The following F13A1 variants were observed in gnomAD, a reference collection of about 807,000 sequenced individuals.
F13A1 encodes coagulation factor XIII A chain.
Under a neutral mutation model 80.1 loss-of-function variants are expected in F13A1, and 47 were observed. The observed-to-expected ratio is 0.59, with a 90% CI of 0.46 to 0.75. The LOEUF (loss-of-function observed/expected upper bound fraction) is 0.75. F13A1 is among the 30% of genes least tolerant of loss of function. F13A1 has a pLI of 0.00. For missense variants in F13A1, 817 were observed against 930.4 expected, an observed-to-expected ratio of 0.88 and a Z score of 1.59; for synonymous variants, 349 against 344.9, an observed-to-expected ratio of 1.01 and a Z score of -0.13.
intron 3 of F13A1, among the ~76,000 whole-genome samples, chr6:6,281,159 C>G (rs1233406245): frequency 6.6e-6 from 1 of 152,188 alleles, no homozygotes; most frequent in Non-Finnish European, 1.5e-5. Flanking sequence ...ATGTTAATGT[C>G]TAAGAAGAGT....
intron 7 of F13A1, 74 bp from the exon 8 acceptor site, chr6:6,222,245 G>T: frequency 1.3e-6 from 2 of 1,587,924 alleles, no homozygotes; most frequent in East Asian, 2.3e-5. Context: ...AACCCTTCTT[G>T]TAGGGGACTT....
intron 6 of F13A1, among the ~76,000 whole-genome samples, chr6:6,225,457 T>G (rs1757263129): frequency 6.6e-6 from 1 of 152,148 alleles, no homozygotes; most frequent in African/African-American, 2.4e-5. Context: ...TCCCATGGGA[T>G]GCTTACAGAG....
At chr6:6,283,025 G>A (rs1583109803) in intron 3 of F13A1, among the ~76,000 whole-genome samples, 1 of 152,152 alleles carries the variant, frequency 6.6e-6, no homozygotes, top group African/African-American at 2.4e-5. Context: ...CACCTTAATC[G>A]AGTGGTTAAG....
Position 6,311,992 on chromosome 6 carries a change from A to G in F13A1, c.131-6453T>C, listed in dbSNP as rs141511144. 7.8e-3 allele frequency among the ~76,000 whole-genome samples: 1,149 copies of G among 147,836 alleles called. 13 individuals carry two copies. The highest frequency in any genetic ancestry group is 0.027 in the African/African-American group (1,100 of 40,768). On this transcript the variant is annotated intron_variant, in intron 2 of 14. Coordinates refer to ENST00000264870, the MANE Select transcript of F13A1 (RefSeq NM_000129.4). ...CATATTATAAACAATATATTTATAT[A>G]TGATATGTGTATATATATTATATAT...
chr6:6,218,116 T>C (rs1757131406), intron 8 of F13A1, among the ~76,000 whole-genome samples: 1 of 152,156 alleles, frequency 6.6e-6, no homozygotes, highest in Non-Finnish European at 1.5e-5. Context: ...CCACACTCTC[T>C]CCAGCAAAAG....
At chr6:6,262,792 C>T (rs529846856) in intron 4 of F13A1, among the ~76,000 whole-genome samples, 6 of 152,122 alleles carry the variant, frequency 3.9e-5, no homozygotes, top group African/African-American at 1.4e-4. Flanking sequence ...CCCTCTTCTT[C>T]TACTCTACTC....
At chr6:6,181,282 A>T (rs1266348883) in intron 11 of F13A1, among the ~76,000 whole-genome samples, 1 of 152,204 alleles carries the variant, frequency 6.6e-6, no homozygotes, top group Non-Finnish European at 1.5e-5. Context: ...CTGCACAATA[A>T]TCCTGTCACT....
In F13A1 at chr6:6,243,437, C is replaced by T. The variant is rs1757513264; in HGVS notation, c.798+4875G>A. Among the ~76,000 whole-genome samples, 1 of 152,152 alleles carries T rather than the reference C, an allele frequency of 6.6e-6. No individual in the cohort carries two copies. The highest frequency in any genetic ancestry group is 1.5e-5 in the Non-Finnish European group (1 of 68,028). On this transcript the variant is annotated intron_variant, in intron 6 of 14. Coordinates refer to ENST00000264870, the MANE Select transcript of F13A1 (RefSeq NM_000129.4). This position sits in a 1 kb window ranked among gnomAD's most constrained non-coding sequence, Gnocchi z 4.2. ...GTCTTTGGAAGCTCATTCTCCAGGGCCCCAGTGCCTATGGCTATTTAGAAT... is the reference window on the plus strand; with the variant it reads ...GTCTTTGGAAGCTCATTCTCCAGGGTCCCAGTGCCTATGGCTATTTAGAAT...
chr6:6,215,047 C>T, intron 8 of F13A1, among the ~76,000 whole-genome samples: 1 of 87,660 alleles, frequency 1.1e-5, no homozygotes, highest in African/African-American at 4.6e-5. Context: ...AATAGCTTAC[C>T]AACCAAAAAG....
At chr6:6,235,392 AG>A (rs202076536) in intron 6 of F13A1, among the ~76,000 whole-genome samples, 2 of 152,104 alleles carry the variant, frequency 1.3e-5, no homozygotes, top group African/African-American at 4.8e-5. Flanking sequence ...CTGATTAAAA[AG>A]AAAAAACTTG....
At position 6,225,838 on chromosome 6, in the gene F13A1, G is replaced by A. The variant is rs766153735; in HGVS notation, c.799-978C>T. On this transcript the variant is annotated intron_variant, in intron 6 of 14. Transcript: ENST00000264870. ...TTTTCCCTTTGTAAAATTCACTTAA[G>A]TATTCTTTCTTATGATTGTTTAAAC... 2.4e-4 allele frequency among the ~76,000 whole-genome samples: 36 copies of A among 152,192 alleles called. 1 individual carries two copies. Among genetic ancestry groups the A allele is most frequent in the Non-Finnish European group, 1.9e-4 (13 of 68,004 alleles).
chr6:6,269,288 T>G (rs1757888007), intron 3 of F13A1, among the ~76,000 whole-genome samples: 1 of 152,134 alleles, frequency 6.6e-6, no homozygotes. Flanking sequence ...GCTTAATAAT[T>G]GGTAGTTATC....
intron 3 of F13A1, among the ~76,000 whole-genome samples, chr6:6,289,580 T>G (rs1437889259): frequency 6.6e-6 from 1 of 152,140 alleles, no homozygotes; most frequent in Admixed American, 6.5e-5. Context: ...AGTGAGATTT[T>G]TTTCCCCCTT....
chr6:6,250,873 T>C lies in F13A1; in HGVS notation c.628A>G (p.Ile210Val). Residue 210 changes from isoleucine (I) to valine (V), a missense_variant, in exon 5 of 15, where the codon ATC becomes GTC. Transcript: ENST00000264870. This position sits in a 1 kb window ranked among gnomAD's most constrained non-coding sequence, Gnocchi z 4.2. Reference protein sequence around the residue: ...KEREEYVLNDIGVIFYGEVND... With the variant: ...KEREEYVLNDVGVIFYGEVND... ...ACCTCTCCATAAAAAATTACCCCGA[T>C]GTCATTCAGGACATACTCTTCTCTT... The C allele has an allele frequency of 6.2e-7, 1 of 1,613,818 alleles. No homozygotes were observed. The highest frequency in any genetic ancestry group is 1.3e-5 in the African/African-American group (1 of 75,060).
At position 6,162,118 on chromosome 6, in the gene F13A1, T is replaced by A. The variant is rs1760585636; in HGVS notation, c.1908+5340A>T. 1.3e-5 allele frequency among the ~76,000 whole-genome samples: 2 copies of A among 152,152 alleles called. No homozygotes were observed. The highest frequency in any genetic ancestry group is 4.1e-4 in the South Asian group (2 of 4,822). On this transcript the variant is annotated intron_variant, in intron 13 of 14. Transcript: ENST00000264870. This position sits in a 1 kb window ranked among gnomAD's most constrained non-coding sequence, Gnocchi z 4.2. ...TGGGAGAGCAGAGTTGACAATCATG[T>A]TACATTCCCACTCTAGAAACTCCCT... is the stretch of plus-strand genomic sequence containing the variant.
At chr6:6,161,158 G>A (rs1445375572) in intron 13 of F13A1, among the ~76,000 whole-genome samples, 5 of 152,150 alleles carry the variant, frequency 3.3e-5, no homozygotes, top group Non-Finnish European at 2.9e-5. Flanking sequence ...TCTCCAAGGC[G>A]GGCCTCCCTG....
At chr6:6,158,518 G>A (rs977822495) in intron 13 of F13A1, among the ~76,000 whole-genome samples, 9 of 152,178 alleles carry the variant, frequency 5.9e-5, no homozygotes, top group African/African-American at 9.7e-5. Context: ...GGAGAATGAC[G>A]TGGATTCGGT....
At chr6:6,197,373 A>G (rs760797165) in intron 8 of F13A1, 47 bp from the exon 9 acceptor site, 3 of 1,545,640 alleles carry the variant, frequency 1.9e-6, no homozygotes, top group East Asian at 2.2e-5. Context: ...ATCACACCCA[A>G]TGCTCCAAGA....
At chr6:6,203,542 C>T (rs1001024364) in intron 8 of F13A1, among the ~76,000 whole-genome samples, 14 of 152,342 alleles carry the variant, frequency 9.2e-5, no homozygotes, top group African/African-American at 2.6e-4. Context: ...ATGAGTTCTA[C>T]AGCTGCAAGG....
Sources: gnomAD v4.1 joint callset for allele counts (sites outside exome capture counted in the v4.1 genomes callset) on GRCh38, gnomAD v4.1.1 for gene constraint, Gnocchi (gnomAD v3.1) non-coding constraint, MANE v1.5 for transcripts, NCBI Gene and HGNC (gene_info 2026-07-23, HGNC 2026-07-21) for gene names.